NIBAN1: variants seen among roughly 807,000 people sequenced by gnomAD.
NIBAN1 encodes the protein protein Niban 1.
In NIBAN1, 81 loss-of-function variants were observed where a neutral mutation model predicts 75.1. The ratio of observed to expected loss-of-function variants is 1.08; its 90% confidence interval spans 0.90 to 1.30. The LOEUF is 1.30. Ranked by LOEUF, NIBAN1 falls within the 50% of genes most tolerant of loss-of-function variation. The pLI is 0.00. For synonymous variants in NIBAN1, 436 were observed against 424.8 expected, an observed-to-expected ratio of 1.03 and a Z score of -0.32; for missense variants, 1,133 against 1,128.1, an observed-to-expected ratio of 1.00 and a Z score of -0.06.
At chr1:184,860,043 C>T (rs561161510) in intron 5 of NIBAN1, among the ~76,000 whole-genome samples, 120 of 152,126 alleles carry the variant, frequency 7.9e-4, no homozygotes, top group Middle Eastern at 6.8e-3. Flanking sequence ...ATGCAAGGAC[C>T]GTAGACCACA....
intron 1 of NIBAN1, among the ~76,000 whole-genome samples, chr1:184,967,219 C>CTG (rs761768686): frequency 3.0e-4 from 46 of 151,242 alleles, no homozygotes; most frequent in Non-Finnish European, 5.3e-4. Context: ...CTCTCTCTCT[C>CTG]TGTGTGTGTG....
At position 184,798,891 on chromosome 1, in the gene NIBAN1, T is replaced by C. The variant is rs548074766; in HGVS notation, c.1555-701A>G. Among the ~76,000 whole-genome samples the C allele has an allele frequency of 5.3e-5, 8 of 152,310 alleles. No individual in the cohort carries two copies. In the South Asian group the frequency reaches 1.4e-3, roughly 28 times the overall value. ...TGCATTTGTTTTTGAGATTCATCCA[T>C]GTTGCTGCATCTATCAGTAGCTCAT... On this transcript the variant is annotated intron_variant, in intron 12 of 13. Coordinates refer to ENST00000367511, the MANE Select transcript of NIBAN1 (RefSeq NM_052966.4).
chr1:184,884,293 G>A (rs1656453929), intron 5 of NIBAN1, among the ~76,000 whole-genome samples: 2 of 147,594 alleles, frequency 1.4e-5, no homozygotes, highest in Admixed American at 7.0e-5. Context: ...GCGCGATCTC[G>A]GCTCACCACA....
intron 1 of NIBAN1, among the ~76,000 whole-genome samples, chr1:184,933,729 T>C (rs896145874): frequency 3.3e-5 from 5 of 152,266 alleles, no homozygotes; most frequent in African/African-American, 1.2e-4. Flanking sequence ...ATTTGTGTGG[T>C]TATCTTACTT....
In NIBAN1 at chr1:184,795,703, T is replaced by C; in HGVS notation, c.2061A>G (p.Gly687=). The C allele has an allele frequency of 6.2e-7, 1 of 1,613,924 alleles. No individual in the cohort carries two copies. Among genetic ancestry groups the C allele is most frequent in the Non-Finnish European group, 8.5e-7 (1 of 1,179,896 alleles). Residue 687 remains glycine, a synonymous_variant, in exon 14 of 14, where the codon GGA becomes GGG. Coordinates refer to ENST00000367511, the MANE Select transcript of NIBAN1 (RefSeq NM_052966.4). The part of the protein sequence containing the change: ...PGTCSSELEF[G]GTLEDEEPAQ... ...CGGGTTCTTCATCCTCAAGGGTCCC[T>C]CCAAACTCCAGCTCTGATGAGCATG...
intron 1 of NIBAN1, among the ~76,000 whole-genome samples, chr1:184,963,696 CT>C (rs1471586615): frequency 6.6e-6 from 1 of 152,052 alleles, no homozygotes. Context: ...AATAAATAAA[CT>C]TATTAAACAT....
Position 184,794,674 on chromosome 1 carries a change from T to G in NIBAN1, c.*303A>C. The G allele has an allele frequency of 2.1e-6, 1 of 473,002 alleles. No homozygotes were observed. The highest frequency in any genetic ancestry group is 3.9e-6 in the Non-Finnish European group (1 of 258,840). 29.3% of individuals were successfully genotyped at this position (473,002 alleles called of 1,614,324 possible). A position where few individuals can be genotyped will look rare whatever the true frequency, so the allele number is the denominator to read the frequency against. ...TACTCAAAACTGTCATCCTACTGTT[T>G]TCTCAGTCTTCCCTGCAATACTATT... On this transcript the variant is annotated 3_prime_UTR_variant, in exon 14 of 14. Transcript: ENST00000367511.
rs1654141566 is a variant in NIBAN1 at position 184,804,717 on chromosome 1, T to C, written c.1447-1025A>G. On this transcript the variant is annotated intron_variant, in intron 11 of 13. Coordinates refer to ENST00000367511, the MANE Select transcript of NIBAN1 (RefSeq NM_052966.4). ...ATTTGACACTGACACTATCTTTTTTTTTTTAGTTGCATTGCAATTTCATCA... is the reference window on the plus strand; with the variant it reads ...ATTTGACACTGACACTATCTTTTTTCTTTTAGTTGCATTGCAATTTCATCA... Among the ~76,000 whole-genome samples the C allele has an allele frequency of 7.2e-5, 11 of 152,314 alleles. 1 individual carries two copies. The South Asian group carries it at 2.3e-3, about 32-fold the overall frequency.
chr1:184,930,254 A>T lies in NIBAN1; in HGVS notation c.56-30945T>A, dbSNP rs539989075. On this transcript the variant is annotated intron_variant, in intron 1 of 13. Transcript: ENST00000367511. ...CTCAAATCTATCCATTTTGCAAATG[A>T]TCGGCAATGAAATAAGTCTTCAGAG... Among the ~76,000 whole-genome samples, 4 of 152,352 alleles carry T rather than the reference A, an allele frequency of 2.6e-5. No individual in the cohort carries two copies. In the South Asian group the frequency reaches 8.3e-4, roughly 32 times the overall value.
intron 1 of NIBAN1, among the ~76,000 whole-genome samples, chr1:184,911,785 C>T (rs1657247555): frequency 5.3e-5 from 8 of 152,146 alleles, no homozygotes; most frequent in Non-Finnish European, 1.5e-5. Context: ...TTATAGACTA[C>T]TATAACAACA....
intron 1 of NIBAN1, among the ~76,000 whole-genome samples, chr1:184,931,134 G>A (rs1657811280): frequency 6.6e-6 from 1 of 151,614 alleles, no homozygotes; most frequent in South Asian, 2.1e-4. Flanking sequence ...CAAGTAGCTG[G>A]GATTACTGGC....
chr1:184,952,268 G>A (rs1658376135), intron 1 of NIBAN1, among the ~76,000 whole-genome samples: 1 of 152,160 alleles, frequency 6.6e-6, no homozygotes, highest in South Asian at 2.1e-4. Context: ...GCCAGGTGTG[G>A]TGGCACATGC....
intron 11 of NIBAN1, among the ~76,000 whole-genome samples, chr1:184,805,393 G>A (rs1175010517): frequency 6.6e-6 from 1 of 152,216 alleles, no homozygotes; most frequent in Non-Finnish European, 1.5e-5. Flanking sequence ...ACAAGTTCTT[G>A]TGGGGATCAG....
Position 184,823,326 on chromosome 1 carries a change from G to A in NIBAN1, c.826C>T (p.Leu276Phe), listed in dbSNP as rs1654755516. ...TGAACCAGGGTGTAGGCCTCCTCGAGGAGCTGCAACAAGGAATAACACATA... is the reference window on the plus strand; with the variant it reads ...TGAACCAGGGTGTAGGCCTCCTCGAAGAGCTGCAACAAGGAATAACACATA... ...NDRKRTWLGL[L>F]EEAYTLVQHQ... Residue 276 changes from leucine (L) to phenylalanine (F), a missense_variant, in exon 8 of 14, where the codon CTC (leucine) becomes TTC (phenylalanine). Physicochemically the swap from Leu to Phe is conservative, Grantham distance 22. Coordinates refer to ENST00000367511, the MANE Select transcript of NIBAN1 (RefSeq NM_052966.4). 3 of 1,613,954 alleles carry A rather than the reference G, an allele frequency of 1.9e-6. No individual in the cohort carries two copies. Among genetic ancestry groups the A allele is most frequent in the African/African-American group, 1.3e-5 (1 of 75,008 alleles).
intron 5 of NIBAN1, among the ~76,000 whole-genome samples, chr1:184,835,039 C>T (rs1166793704): frequency 1.3e-5 from 2 of 152,136 alleles, no homozygotes; most frequent in Non-Finnish European, 2.9e-5. Context: ...AGGAGGGGAT[C>T]CAGTTTCAGC....
chr1:184,800,814 T>C (rs936020342), intron 12 of NIBAN1, among the ~76,000 whole-genome samples: 5 of 152,196 alleles, frequency 3.3e-5, no homozygotes, highest in South Asian at 2.1e-4. Flanking sequence ...TGTTGGGTCA[T>C]AGGGTAGATG....
In NIBAN1 at chr1:184,894,131, C is replaced by G; in HGVS notation, c.262G>C (p.Glu88Gln). Residue 88 changes from glutamate (E) to glutamine (Q), a missense_variant, in exon 3 of 14, where the codon GAG becomes CAG. Physicochemically the swap from Glu to Gln is conservative, Grantham distance 29. Coordinates refer to ENST00000367511, the MANE Select transcript of NIBAN1 (RefSeq NM_052966.4). Reference protein sequence around the residue: ...QFSEDIKKWKERYVVVKNDYA... With the variant: ...QFSEDIKKWKQRYVVVKNDYA... ...TCATTTTTAACTACAACGTATCTCT[C>G]CTTCCACTTCTTTATGTCTTCAGAA... 2 of 1,612,932 alleles carry G rather than the reference C, an allele frequency of 1.2e-6. No homozygotes were observed. Among genetic ancestry groups the G allele is most frequent in the Non-Finnish European group, 1.7e-6 (2 of 1,179,470 alleles).
In NIBAN1 at chr1:184,823,236, C is replaced by G. The variant is rs1356301135; in HGVS notation, c.916G>C (p.Glu306Gln). The change falls in exon 8 of 14, where the codon GAA becomes CAA. Residue 306 changes from glutamate to glutamine, a missense_variant. Transcript: ENST00000367511. Reference sequence around the variant, plus strand: ...TCCATGTCAGAACGGATCGTTCCTTCCAGGCCCTTTGTCAGAGCTCTGCAT... The same window carrying G: ...TCCATGTCAGAACGGATCGTTCCTTGCAGGCCCTTTGTCAGAGCTCTGCAT... ...EECRALTKGL[E>Q]GTIRSDMDQI... 1.2e-6 allele frequency: 2 copies of G among 1,614,092 alleles called. No homozygotes were observed. Among genetic ancestry groups the G allele is most frequent in the Non-Finnish European group, 1.7e-6 (2 of 1,180,044 alleles).
At chr1:184,922,859 G>A (rs1480627464) in intron 1 of NIBAN1, among the ~76,000 whole-genome samples, 4 of 152,076 alleles carry the variant, frequency 2.6e-5, no homozygotes, top group Admixed American at 6.5e-5. Flanking sequence ...CACCTGTTTC[G>A]GCCTCCCAAA....
Sources: allele counts gnomAD v4.1 joint callset (sites outside exome capture counted in the v4.1 genomes callset), GRCh38; gene constraint gnomAD v4.1.1; transcripts MANE v1.5; gene names NCBI Gene and HGNC (gene_info 2026-07-23, HGNC 2026-07-21).